WDR70: variants seen among roughly 807,000 people sequenced by gnomAD.
WDR70 encodes the protein WD repeat-containing protein 70.
WDR70 carries 53 observed loss-of-function variants against 88.6 expected under a neutral mutation model. The observed-to-expected ratio is 0.60, with a 90% CI of 0.48 to 0.75. WDR70 has a LOEUF of 0.75. WDR70 is among the 30% of genes least tolerant of loss of function. The pLI, the probability that WDR70 is intolerant of heterozygous loss-of-function variation, is 0.00. For missense variants in WDR70, 610 were observed against 823.2 expected, an observed-to-expected ratio of 0.74 and a Z score of 3.17; for synonymous variants, 280 against 270.0, an observed-to-expected ratio of 1.04 and a Z score of -0.36.
At chr5:37,435,729 C>T (rs950011389) in intron 5 of WDR70, among the ~76,000 whole-genome samples, 1 of 152,148 alleles carries the variant, frequency 6.6e-6, no homozygotes, top group South Asian at 2.1e-4. Context: ...ACTTACCAGG[C>T]TGGCCTGATG....
At chr5:37,403,300 A>G (rs565109469) in intron 5 of WDR70, among the ~76,000 whole-genome samples, 1 of 152,208 alleles carries the variant, frequency 6.6e-6, no homozygotes, top group South Asian at 2.1e-4. Flanking sequence ...CTCCAACCAT[A>G]TTGTAAATTC....
At chr5:37,499,084 G>T (rs750882732) in intron 8 of WDR70, among the ~76,000 whole-genome samples, 94 of 151,856 alleles carry the variant, frequency 6.2e-4, no homozygotes, top group Non-Finnish European at 1.9e-4. Context: ...CCCCCATGAT[G>T]AATGATGTTG....
At chr5:37,749,760 T>A (rs1581548435) in intron 17 of WDR70, among the ~76,000 whole-genome samples, 1 of 150,152 alleles carries the variant, frequency 6.7e-6, no homozygotes, top group South Asian at 2.1e-4. Flanking sequence ...ATCTAGTGAT[T>A]AGAAATGACA....
chr5:37,440,796 A>G (rs1471495691), intron 6 of WDR70, among the ~76,000 whole-genome samples: 2 of 152,206 alleles, frequency 1.3e-5, no homozygotes, highest in African/African-American at 4.8e-5. Flanking sequence ...TTAATTTGTC[A>G]TCTTTCTTCT....
chr5:37,440,455 C>T (rs1750619814), intron 6 of WDR70, among the ~76,000 whole-genome samples: 1 of 152,188 alleles, frequency 6.6e-6, no homozygotes. Context: ...AAGCGATTCT[C>T]CTGCCTCAGC....
chr5:37,497,416 C>CCTTCTCTTCCCT (rs1740258938), intron 8 of WDR70, among the ~76,000 whole-genome samples: 1 of 140,770 alleles, frequency 7.1e-6, no homozygotes, highest in Non-Finnish European at 1.6e-5. Flanking sequence ...CCTCCCCTCC[C>CCTTCTCTTCCCT]CTTCCCTTCC....
intron 9 of WDR70, among the ~76,000 whole-genome samples, chr5:37,525,705 A>T (rs1741245654): frequency 6.6e-6 from 1 of 152,226 alleles, no homozygotes; most frequent in Admixed American, 6.5e-5. Context: ...GGTTTTTTGA[A>T]AAGATCAATA....
At chr5:37,436,189 A>G (rs1045683042) in intron 5 of WDR70, among the ~76,000 whole-genome samples, 4 of 152,096 alleles carry the variant, frequency 2.6e-5, no homozygotes, top group Non-Finnish European at 5.9e-5. Flanking sequence ...CTGGAAAAAC[A>G]CTCTAAGATG....
chr5:37,382,392 C>T (rs542940072), intron 3 of WDR70, among the ~76,000 whole-genome samples: 2 of 150,328 alleles, frequency 1.3e-5, no homozygotes, highest in Non-Finnish European at 3.0e-5. Flanking sequence ...ACCACTGTGC[C>T]CCGCTTTTTG....
At chr5:37,687,990 G>A in intron 10 of WDR70, 2 of 682,420 alleles carry the variant, frequency 2.9e-6, no homozygotes, top group Non-Finnish European at 2.7e-6. Context: ...GAATCCACTG[G>A]ACTCTATAAC....
At chr5:37,489,224 G>C (rs1437839386) in intron 8 of WDR70, among the ~76,000 whole-genome samples, 1 of 152,224 alleles carries the variant, frequency 6.6e-6, no homozygotes, top group African/African-American at 2.4e-5. Flanking sequence ...CTTGCGCACA[G>C]TATATGAGCA....
chr5:37,713,621 T>C (rs751122252), intron 13 of WDR70, among the ~76,000 whole-genome samples: 6 of 152,050 alleles, frequency 3.9e-5, no homozygotes, highest in African/African-American at 1.4e-4. Flanking sequence ...TTATTATTAT[T>C]AGGTAATACT....
chr5:37,620,006 A>C (rs866228794), intron 10 of WDR70: 1 of 151,562 alleles, frequency 6.6e-6, no homozygotes, highest in African/African-American at 2.4e-5. Flanking sequence ...ATGCTTCACA[A>C]ATTTGCATGT....
intron 10 of WDR70, among the ~76,000 whole-genome samples, chr5:37,642,856 A>G (rs978581403): frequency 1.3e-5 from 2 of 152,010 alleles, no homozygotes; most frequent in Non-Finnish European, 2.9e-5. Flanking sequence ...TTCCAATACA[A>G]TTGTTTGCGC....
intron 13 of WDR70, among the ~76,000 whole-genome samples, chr5:37,714,030 TA>T (rs1747587709): frequency 6.6e-6 from 1 of 152,226 alleles, no homozygotes; most frequent in African/African-American, 2.4e-5. Flanking sequence ...AGTGGTCTTG[TA>T]GGAGGATGGG....
At chr5:37,460,927 C>G (rs917888637) in intron 7 of WDR70, among the ~76,000 whole-genome samples, 2 of 151,870 alleles carry the variant, frequency 1.3e-5, no homozygotes, top group Non-Finnish European at 1.5e-5. Flanking sequence ...CCTCTTTTAA[C>G]ATTTTTTGAC....
chr5:37,430,562 C>CT (rs1750270246), intron 5 of WDR70, among the ~76,000 whole-genome samples: 1 of 151,678 alleles, frequency 6.6e-6, no homozygotes, highest in African/African-American at 2.4e-5. Context: ...TTTTTCTTTT[C>CT]TTTTTTTCTT....
At position 37,707,948 on chromosome 5, in the gene WDR70, A is replaced by AATAT. The variant is rs70978841; in HGVS notation, c.1416+4903_1416+4906dup. On this transcript the variant is annotated intron_variant, in intron 13 of 17. Coordinates refer to ENST00000265107, the MANE Select transcript of WDR70 (RefSeq NM_018034.4). Reference sequence around the variant, plus strand: ...AAAAAAAAAAAAAAAAAAAAAAAAAAATATATATATATATATATATATATA... The same window carrying AATAT: ...AAAAAAAAAAAAAAAAAAAAAAAAAAATATATATATATATATATATATATATATA... Among the ~76,000 whole-genome samples the AATAT allele has an allele frequency of 5.3e-3, 177 of 33,710 alleles. 1 individual carries two copies. The highest frequency in any genetic ancestry group is 5.4e-3 in the African/African-American group (53 of 9,746). The allele number at this position is 33,710 out of a possible 152,430, so 22.1% of individuals were successfully genotyped here.
chr5:37,703,946 C>T (rs542896304), intron 13 of WDR70, among the ~76,000 whole-genome samples: 1 of 152,142 alleles, frequency 6.6e-6, no homozygotes, highest in Non-Finnish European at 1.5e-5. Context: ...TCTTTGTAAA[C>T]AGTTGAGACA....
Sources: gnomAD v4.1 joint callset for allele counts (sites outside exome capture counted in the v4.1 genomes callset) on GRCh38, gnomAD v4.1.1 for gene constraint, MANE v1.5 for transcripts, NCBI Gene and HGNC (gene_info 2026-07-23, HGNC 2026-07-21) for gene names.